Variants in COL24A1 observed in about 807,000 individuals in gnomAD.
COL24A1 encodes collagen alpha-1(XXIV) chain.
COL24A1 carries 224 observed loss-of-function variants against 253.9 expected under a neutral mutation model. The ratio of observed to expected loss-of-function variants is 0.88; its 90% CI spans 0.79 to 0.99. The LOEUF (loss-of-function observed/expected upper bound fraction) is 0.99, where lower values mean the gene tolerates loss of function less well. Among genes scored for constraint, COL24A1 ranks in the 50% least tolerant of loss-of-function variants. The probability of loss-of-function intolerance (pLI) is 0.00; values close to 1 mark genes in which losing one functional copy is unlikely to be tolerated. For missense variants in COL24A1, 2,131 were observed against 2,068.5 expected (o/e 1.03, Z -0.59); for synonymous variants, 685 against 673.7 (o/e 1.02, Z -0.26).
chr1:85,757,733 C>CT (rs2101062592), intron 55 of COL24A1, among the ~76,000 whole-genome samples: 1 of 152,186 alleles, frequency 6.6e-6, no homozygotes, highest in East Asian at 1.9e-4. Context: ...AATTTATTGA[C>CT]TTTTTCCCCA....
At chr1:86,106,334 G>A (rs1281762382) in intron 5 of COL24A1, among the ~76,000 whole-genome samples, 1 of 151,788 alleles carries the variant, frequency 6.6e-6, no homozygotes, top group African/African-American at 2.4e-5. Flanking sequence ...TATTATTAAT[G>A]AAACATTGTT....
chr1:86,141,271 T>C (rs553851281), intron 2 of COL24A1, among the ~76,000 whole-genome samples: 60 of 152,292 alleles, frequency 3.9e-4, no homozygotes, highest in Middle Eastern at 3.4e-3. Context: ...ATCAATGAAT[T>C]CAGCATTGAG....
intron 2 of COL24A1, among the ~76,000 whole-genome samples, chr1:86,128,113 C>T (rs1469918250): frequency 6.6e-6 from 1 of 151,898 alleles, no homozygotes; most frequent in Non-Finnish European, 1.5e-5. Flanking sequence ...AAAGAGGCCC[C>T]ACATAATCAA....
intron 33 of COL24A1, 44 bp from the exon 34 acceptor site, chr1:85,875,374 T>C (rs1571027982): frequency 1.3e-6 from 2 of 1,501,320 alleles, no homozygotes; most frequent in East Asian, 4.5e-5. Flanking sequence ...AATAGCAATC[T>C]CATGAGAAGA....
intron 35 of COL24A1, among the ~76,000 whole-genome samples, chr1:85,873,431 A>T (rs1330648725): frequency 6.6e-6 from 1 of 152,226 alleles, no homozygotes; most frequent in East Asian, 1.9e-4. Flanking sequence ...AAGACTTGGA[A>T]CCAACCCAAA....
At chr1:86,115,815 A>C (rs1706084702) in intron 3 of COL24A1, among the ~76,000 whole-genome samples, 1 of 152,212 alleles carries the variant, frequency 6.6e-6, no homozygotes, top group African/African-American at 2.4e-5. Flanking sequence ...TTTTAAAAGA[A>C]TTATACCAAG....
chr1:86,147,109 T>C (rs1651992644), intron 1 of COL24A1, among the ~76,000 whole-genome samples: 1 of 152,160 alleles, frequency 6.6e-6, no homozygotes, highest in Non-Finnish European at 1.5e-5. Context: ...CAAGGAGTGA[T>C]TATGGAGCTG....
intron 5 of COL24A1, among the ~76,000 whole-genome samples, chr1:86,099,005 C>A (rs940711209): frequency 6.6e-6 from 1 of 152,058 alleles, no homozygotes; most frequent in African/African-American, 2.4e-5. Flanking sequence ...CTGCAAAATA[C>A]ACAATCTTTT....
chr1:85,796,596 T>G (rs1170745568), intron 47 of COL24A1, among the ~76,000 whole-genome samples: 1 of 152,194 alleles, frequency 6.6e-6, no homozygotes, highest in Non-Finnish European at 1.5e-5. Flanking sequence ...TGAGGGCAGT[T>G]TTTTGACCAT....
At chr1:85,964,477 A>C (rs911102947) in intron 23 of COL24A1, among the ~76,000 whole-genome samples, 1 of 152,136 alleles carries the variant, frequency 6.6e-6, no homozygotes, top group African/African-American at 2.4e-5. Flanking sequence ...TAGAATTGAA[A>C]ACCCCAGCAG....
intron 55 of COL24A1, among the ~76,000 whole-genome samples, chr1:85,754,791 A>G (rs1666035606): frequency 6.6e-6 from 1 of 152,192 alleles, no homozygotes; most frequent in South Asian, 2.1e-4. Flanking sequence ...GGAGTGGAAA[A>G]AAAAATGAAG....
intron 16 of COL24A1, 65 bp from the exon 17 acceptor site, chr1:86,022,656 C>A: frequency 1.3e-6 from 2 of 1,488,202 alleles, no homozygotes; most frequent in Non-Finnish European, 1.8e-6. Flanking sequence ...TATAAGAAAG[C>A]AAATATTCAT....
At chr1:85,774,942 A>G (rs942569375) in intron 53 of COL24A1, among the ~76,000 whole-genome samples, 6 of 151,976 alleles carry the variant, frequency 3.9e-5, no homozygotes, top group Non-Finnish European at 8.8e-5. Flanking sequence ...TTGCTTCTCT[A>G]GTTCTTTTAA....
chr1:85,999,874 T>A (rs1695235092), intron 19 of COL24A1, among the ~76,000 whole-genome samples: 1 of 152,122 alleles, frequency 6.6e-6, no homozygotes, highest in African/African-American at 2.4e-5. Context: ...ACACAAGAAT[T>A]GCAACATTAG....
At chr1:85,763,555 G>A (rs559770544) in intron 53 of COL24A1, among the ~76,000 whole-genome samples, 19 of 145,590 alleles carry the variant, frequency 1.3e-4, no homozygotes, top group African/African-American at 3.0e-4. Context: ...GCAGTGGTGC[G>A]ATCTCGGCTC....
chr1:85,816,788 AG>A lies in COL24A1; in HGVS notation c.3950del (p.Pro1317LeufsTer21), dbSNP rs1255099305. On this transcript the variant is annotated frameshift_variant and splice_region_variant, in exon 47 of 60. Transcript: ENST00000370571. LOFTEE classifies it high-confidence loss of function. ...KIGPPGKQGL[P>X]GIRGGPGRTG... The stretch of plus-strand genomic sequence containing the variant: ...GCAAAGAGATATCCGTACTACTCAC[AG>A]GAAGTCCCTGTTTTCCTGGTGGCCC... 8 of 1,610,174 alleles carry A rather than the reference AG, an allele frequency of 5.0e-6. No individual in the cohort carries two copies. The highest frequency in any genetic ancestry group is 1.7e-5 in the Admixed American group (1 of 60,016).
intron 5 of COL24A1, among the ~76,000 whole-genome samples, chr1:86,103,879 G>A (rs999343649): frequency 2.0e-5 from 3 of 152,100 alleles, no homozygotes; most frequent in African/African-American, 4.8e-5. Context: ...ATCTTCTTGG[G>A]AGGTATCTTG....
intron 45 of COL24A1, among the ~76,000 whole-genome samples, chr1:85,821,481 T>G (rs1254524399): frequency 2.0e-5 from 3 of 152,182 alleles, no homozygotes; most frequent in Non-Finnish European, 1.5e-5. Flanking sequence ...TTTTAAAGGG[T>G]CATTTCCAAA....
chr1:85,936,561 C>T (rs7512039), intron 24 of COL24A1, among the ~76,000 whole-genome samples: 54,002 of 145,650 alleles, frequency 0.37, 14,062 homozygotes, highest in East Asian at 0.67. Context: ...AAATTAGATA[C>T]GGAAAAGTTT....
Sources: allele counts gnomAD v4.1 joint callset (sites outside exome capture counted in the v4.1 genomes callset), GRCh38; gene constraint gnomAD v4.1.1; transcripts MANE v1.5; gene names NCBI Gene and HGNC (gene_info 2026-07-23, HGNC 2026-07-21).